The following ZDHHC20 variants were observed in gnomAD, a reference collection of about 807,000 sequenced individuals.
ZDHHC20 encodes zDHHC palmitoyltransferase 20, also known as palmitoyltransferase ZDHHC20.
ZDHHC20 carries 43 observed loss-of-function variants against 57.8 expected under a neutral mutation model. The observed-to-expected ratio is 0.74, with a 90% CI of 0.58 to 0.96. The LOEUF (loss-of-function observed/expected upper bound fraction) is 0.96. Among genes scored for constraint, ZDHHC20 ranks in the 40% least tolerant of loss-of-function variants. ZDHHC20 has a pLI of 0.00. For missense variants in ZDHHC20, 391 were observed against 441.1 expected, an observed-to-expected ratio of 0.89 and a Z score of 1.02; for synonymous variants, 157 against 153.0, an observed-to-expected ratio of 1.03 and a Z score of -0.19.
intron 7 of ZDHHC20, among the ~76,000 whole-genome samples, chr13:21,393,336 A>C (rs1364647171): frequency 2.0e-5 from 3 of 151,998 alleles, no homozygotes; most frequent in Non-Finnish European, 4.4e-5. Flanking sequence ...CCCTGTCTCT[A>C]CTAAAAATGC....
intron 3 of ZDHHC20, among the ~76,000 whole-genome samples, chr13:21,414,563 A>T (rs143645331): frequency 2.5e-5 from 2 of 79,148 alleles, no homozygotes; most frequent in East Asian, 2.9e-4. Context: ...AGTAGAGGCG[A>T]GGTTTCACCG....
chr13:21,426,072 C>A (rs1328007476), intron 1 of ZDHHC20, among the ~76,000 whole-genome samples: 2 of 152,174 alleles, frequency 1.3e-5, no homozygotes, highest in Admixed American at 1.3e-4. Flanking sequence ...TGAATCTATA[C>A]TCAAGACAAA....
chr13:21,454,053 T>C (rs1188087140), intron 1 of ZDHHC20, among the ~76,000 whole-genome samples: 1 of 152,082 alleles, frequency 6.6e-6, no homozygotes. Context: ...TTGGCAGGCA[T>C]GGTGGCTCAC....
intron 3 of ZDHHC20, among the ~76,000 whole-genome samples, chr13:21,419,241 T>A (rs953630627): frequency 6.6e-6 from 1 of 152,148 alleles, no homozygotes; most frequent in Non-Finnish European, 1.5e-5. Context: ...ACACTAAAAT[T>A]TGACTTATAG....
At chr13:21,422,323 AT>A (rs1208257212) in intron 2 of ZDHHC20, among the ~76,000 whole-genome samples, 1 of 151,986 alleles carries the variant, frequency 6.6e-6, no homozygotes, top group East Asian at 1.9e-4. Context: ...AAAAGCTAAC[AT>A]GTATTCAGTT....
intron 1 of ZDHHC20, among the ~76,000 whole-genome samples, chr13:21,437,140 C>CT (rs1194218941): frequency 1.3e-5 from 2 of 152,202 alleles, no homozygotes; most frequent in African/African-American, 2.4e-5. Flanking sequence ...AGTCCTAACT[C>CT]TCTTTAATTT....
At chr13:21,434,484 G>C (rs1430311425) in intron 1 of ZDHHC20, among the ~76,000 whole-genome samples, 3 of 152,060 alleles carry the variant, frequency 2.0e-5, no homozygotes, top group Admixed American at 2.0e-4. Context: ...TCTTAGTCTT[G>C]GGTCCACAAG....
chr13:21,396,169 C>G (rs1268712553), intron 7 of ZDHHC20, among the ~76,000 whole-genome samples: 1 of 152,148 alleles, frequency 6.6e-6, no homozygotes, highest in African/African-American at 2.4e-5. Context: ...GTGGTGCTTC[C>G]TATCCTGGGG....
chr13:21,413,568 T>C (rs9580108), intron 4 of ZDHHC20, 84 bp downstream of exon 4: 283,735 of 1,279,164 alleles, frequency 0.22, 36,060 homozygotes, highest in Non-Finnish European at 0.26. Flanking sequence ...ATCCATTTAA[T>C]AGTCAAACCA....
At chr13:21,451,584 A>G (rs1884443938) in intron 1 of ZDHHC20, among the ~76,000 whole-genome samples, 1 of 152,244 alleles carries the variant, frequency 6.6e-6, no homozygotes, top group African/African-American at 2.4e-5. Context: ...TGTTTTGAAA[A>G]CAGAAAAATA....
In ZDHHC20 at chr13:21,414,295, G is replaced by A. The variant is rs1372695664; in HGVS notation, c.250-523C>T. On this transcript the variant is annotated intron_variant, in intron 3 of 12. Transcript: ENST00000400590. ...TAACCAATAGGACTTAGTTTCACCA[G>A]AATTATGAAAGATTGTCAAGGCAAG... 1.9e-4 allele frequency among the ~76,000 whole-genome samples: 28 copies of A among 148,764 alleles called. No individual in the cohort carries two copies. The Admixed American group carries it at 1.9e-3, about 10-fold the overall frequency.
At chr13:21,397,806 T>C (rs1877037196) in intron 7 of ZDHHC20, among the ~76,000 whole-genome samples, 1 of 151,964 alleles carries the variant, frequency 6.6e-6, no homozygotes, top group African/African-American at 2.4e-5. Context: ...AGCAAGCATA[T>C]CCTCATAAGC....
At chr13:21,425,030 T>C (rs901968418) in intron 2 of ZDHHC20, among the ~76,000 whole-genome samples, 8 of 152,224 alleles carry the variant, frequency 5.3e-5, no homozygotes, top group African/African-American at 1.9e-4. Flanking sequence ...CTCTGGAGTT[T>C]TGTATGCCCA....
intron 1 of ZDHHC20, among the ~76,000 whole-genome samples, chr13:21,433,428 T>C (rs890779011): frequency 5.3e-5 from 8 of 152,092 alleles, no homozygotes; most frequent in African/African-American, 1.7e-4. Context: ...CCATCCTGGC[T>C]AACACAGTAA....
At chr13:21,449,861 A>AC (rs1307259636) in intron 1 of ZDHHC20, among the ~76,000 whole-genome samples, 1 of 151,938 alleles carries the variant, frequency 6.6e-6, no homozygotes, top group African/African-American at 2.4e-5. Flanking sequence ...CGAACTCCTG[A>AC]CCTCAGGTGA....
intron 8 of ZDHHC20, among the ~76,000 whole-genome samples, chr13:21,388,274 G>GT (rs539707723): frequency 1.1e-3 from 162 of 152,198 alleles, no homozygotes; most frequent in African/African-American, 3.2e-3. Flanking sequence ...CACAAAAAAT[G>GT]TTTTTTAATT....
chr13:21,425,619 A>T, intron 2 of ZDHHC20, 33 bp downstream of exon 2: 2 of 1,189,806 alleles, frequency 1.7e-6, no homozygotes, highest in East Asian at 6.5e-5. Flanking sequence ...ATCATTAAGC[A>T]TTTAACTTAA....
chr13:21,413,123 T>C (rs773976335), intron 4 of ZDHHC20, among the ~76,000 whole-genome samples: 33 of 152,290 alleles, frequency 2.2e-4, no homozygotes, highest in Non-Finnish European at 4.7e-4. Context: ...AAGCTGCTGT[T>C]ACAGTCATGG....
intron 3 of ZDHHC20, among the ~76,000 whole-genome samples, chr13:21,416,403 T>C (rs1032485711): frequency 2.0e-5 from 3 of 152,188 alleles, no homozygotes; most frequent in Admixed American, 6.5e-5. Context: ...TGAAATGCTA[T>C]TATTGTCTTA....
Sources: allele counts gnomAD v4.1 joint callset (sites outside exome capture counted in the v4.1 genomes callset), GRCh38; gene constraint gnomAD v4.1.1; transcripts MANE v1.5; gene names NCBI Gene and HGNC (gene_info 2026-07-23, HGNC 2026-07-21).